PXDN: variants seen among roughly 807,000 people sequenced by gnomAD.
PXDN encodes the protein peroxidasin.
A neutral mutation model predicts 140.3 loss-of-function variants in PXDN; 77 were observed. The ratio of observed to expected loss-of-function variants is 0.55; its 90% CI spans 0.46 to 0.66. PXDN has a LOEUF of 0.66. Ranked by LOEUF, PXDN falls within the 30% of genes least tolerant of loss-of-function variation. The probability of loss-of-function intolerance (pLI) is 0.00; values close to 1 mark genes in which losing one functional copy is unlikely to be tolerated. For synonymous variants in PXDN, 911 were observed against 857.4 expected (o/e 1.06, Z -1.09); for missense variants, 1,838 against 2,039.5 (o/e 0.90, Z 1.90).
At chr2:1,664,788 C>CG (rs1683392249) in intron 11 of PXDN, 170 bp downstream of exon 11, 7 of 599,882 alleles carry the variant, frequency 1.2e-5, no homozygotes, top group Middle Eastern at 4.5e-4. Flanking sequence ...CAGGAAGCCG[C>CG]GGGGGATGTG....
intron 1 of PXDN, among the ~76,000 whole-genome samples, chr2:1,712,078 TA>T (rs34251687): frequency 5.3e-5 from 8 of 151,636 alleles, no homozygotes; most frequent in African/African-American, 9.7e-5. Context: ...TCAACGAGGG[TA>T]AAAAAAAGCC....
intron 17 of PXDN, 58 bp from the exon 18 acceptor site, chr2:1,644,810 A>G (rs1682814632): frequency 3.0e-6 from 4 of 1,339,224 alleles, no homozygotes; most frequent in Non-Finnish European, 3.9e-6. Context: ...GGTAAAAAAT[A>G]CAGCAAATAT....
At chr2:1,739,320 A>G (rs1282416353) in intron 1 of PXDN, among the ~76,000 whole-genome samples, 2 of 152,180 alleles carry the variant, frequency 1.3e-5, no homozygotes, top group Non-Finnish European at 2.9e-5. Flanking sequence ...CAGAGAAGCA[A>G]GCCAAGTCAC....
intron 16 of PXDN, among the ~76,000 whole-genome samples, chr2:1,652,327 TC>T (rs1683032793): frequency 6.6e-6 from 1 of 152,128 alleles, no homozygotes; most frequent in Non-Finnish European, 1.5e-5. Flanking sequence ...CTCTTCATTC[TC>T]TGGAGAAGAG....
In PXDN at chr2:1,637,374, C is replaced by T. The variant is rs570747561; in HGVS notation, c.4206+1472G>A. Among the ~76,000 whole-genome samples the T allele has an allele frequency of 7.3e-3, 1,105 of 151,726 alleles. 16 individuals carry two copies. Among genetic ancestry groups the T allele is most frequent in the African/African-American group, 0.022 (919 of 41,290 alleles). ...GGATGTGCACCTGGTCTCTAGGCTG[C>T]GGAGGGAGGAAGACCTGCCACACGC... On this transcript the variant is annotated intron_variant, in intron 21 of 22. Transcript: ENST00000252804.
intron 1 of PXDN, among the ~76,000 whole-genome samples, chr2:1,700,467 A>C (rs1684399158): frequency 6.6e-6 from 1 of 152,202 alleles, no homozygotes. Flanking sequence ...CTTGAAGCTA[A>C]TGGCAGAAAT....
chr2:1,687,259 T>C lies in PXDN; in HGVS notation c.416+373A>G, dbSNP rs7601211. On this transcript the variant is annotated intron_variant, in intron 4 of 22. Coordinates refer to ENST00000252804, the MANE Select transcript of PXDN (RefSeq NM_012293.3). The surrounding 1 kb of genome is among the most constrained non-coding windows in gnomAD (Gnocchi z 4.0). ...AGAGCCCTCTCCTCCCCGGGCACCCTGGATATTTCCCCTGTGAAGGATGCC... is the reference window on the plus strand; with the variant it reads ...AGAGCCCTCTCCTCCCCGGGCACCCCGGATATTTCCCCTGTGAAGGATGCC... Among the ~76,000 whole-genome samples the C allele has an allele frequency of 0.31, 47,100 of 152,150 alleles. 7,903 individuals are homozygous for C. Among genetic ancestry groups the C allele is most frequent in the African/African-American group, 0.43 (18,021 of 41,500 alleles).
rs370957351 is a variant in PXDN at position 1,662,087 on chromosome 2, G to A, written c.1665C>T (p.Ala555=). The change falls in exon 13 of 23, where the codon GCC becomes GCT. Residue 555 remains alanine, a synonymous_variant. Transcript: ENST00000252804. ...GACCGCCTACCTTGTTCCAGGTGATGGCTGGCTCGGGCTCGCCCTGGGAGC... is the reference window on the plus strand; with the variant it reads ...GACCGCCTACCTTGTTCCAGGTGATAGCTGGCTCGGGCTCGCCCTGGGAGC... ...PCSSQGEPEP[A]ITWNKDGVQV... is the part of the protein sequence containing the mutation. 76 of 1,593,246 alleles carry A rather than the reference G, an allele frequency of 4.8e-5. No homozygotes were observed. Among genetic ancestry groups the A allele is most frequent in the Non-Finnish European group, 6.4e-5 (75 of 1,170,444 alleles).
At chr2:1,689,174 T>C (rs971110701) in intron 3 of PXDN, among the ~76,000 whole-genome samples, 1 of 152,196 alleles carries the variant, frequency 6.6e-6, no homozygotes, top group Non-Finnish European at 1.5e-5. Flanking sequence ...TTCTCTAAAA[T>C]GGACAGAAGT....
intron 14 of PXDN, 41 bp from the exon 15 acceptor site, chr2:1,654,549 G>C (rs1224241285): frequency 1.5e-6 from 2 of 1,319,018 alleles, no homozygotes; most frequent in Non-Finnish European, 1.1e-6. Context: ...GAAAAATACT[G>C]CACAATTACT....
At chr2:1,691,551 A>T (rs892568614) in intron 3 of PXDN, among the ~76,000 whole-genome samples, 1 of 152,178 alleles carries the variant, frequency 6.6e-6, no homozygotes, top group Non-Finnish European at 1.5e-5. Flanking sequence ...AGGCGACCGG[A>T]AACTATTTTG....
intron 1 of PXDN, 42 bp from the exon 2 acceptor site, chr2:1,693,176 C>T (rs1684222524): frequency 7.0e-7 from 1 of 1,437,610 alleles, no homozygotes; most frequent in Admixed American, 2.2e-5. Flanking sequence ...GAAAAAAAAT[C>T]TACAAACATC....
At chr2:1,663,242 G>A (rs1185337162) in intron 12 of PXDN, among the ~76,000 whole-genome samples, 1 of 152,150 alleles carries the variant, frequency 6.6e-6, no homozygotes, top group Non-Finnish European at 1.5e-5. Context: ...GACTTGATTA[G>A]ACTGTGTTAC....
chr2:1,661,165 A>G, intron 13 of PXDN, 128 bp from the exon 14 acceptor site: 1 of 1,088,550 alleles, frequency 9.2e-7, no homozygotes, highest in Non-Finnish European at 1.3e-6. Flanking sequence ...GGCTGCGCTC[A>G]GATCCATCCA....
intron 14 of PXDN, among the ~76,000 whole-genome samples, chr2:1,655,598 A>T (rs1287431749): frequency 4.0e-5 from 6 of 150,670 alleles, no homozygotes; most frequent in African/African-American, 1.5e-4. Context: ...CCCTCCTGAC[A>T]GGGACCTGCC....
intron 1 of PXDN, among the ~76,000 whole-genome samples, chr2:1,705,098 C>T (rs145314273): frequency 0.012 from 1,641 of 133,708 alleles, 20 homozygotes; most frequent in African/African-American, 0.044. Flanking sequence ...CGGCACTGCC[C>T]ATCACGTGAG....
chr2:1,744,402 C>G lies in PXDN; in HGVS notation c.54G>C (p.Leu18=), dbSNP rs1170629005. 2 of 1,518,982 alleles carry G rather than the reference C, an allele frequency of 1.3e-6. No homozygotes were observed. The highest frequency in any genetic ancestry group is 1.8e-6 in the Non-Finnish European group (2 of 1,140,360). 94.1% of individuals were successfully genotyped at this position (1,518,982 alleles called of 1,614,324 possible). The change falls in exon 1 of 23, where the codon CTG becomes CTC. Residue 18 remains leucine (L), a synonymous_variant. Coordinates refer to ENST00000252804, the MANE Select transcript of PXDN (RefSeq NM_012293.3). The part of the protein sequence containing the change: ...PGRRCLLALV[L]FCAWGTLAVV... The stretch of plus-strand genomic sequence containing the variant: ...CGGCCAGCGTCCCCCAGGCGCAGAA[C>G]AGCACGAGCGCCAACAGGCAGCGGC...
chr2:1,641,988 A>C (rs1011268985), intron 19 of PXDN, among the ~76,000 whole-genome samples: 3 of 152,242 alleles, frequency 2.0e-5, no homozygotes, highest in Admixed American at 2.0e-4. Flanking sequence ...TGAGGATATA[A>C]AACAAAAACA....
At chr2:1,731,642 G>C (rs1685316859) in intron 1 of PXDN, among the ~76,000 whole-genome samples, 1 of 152,188 alleles carries the variant, frequency 6.6e-6, no homozygotes, top group Non-Finnish European at 1.5e-5. Context: ...TGCCAGAAGT[G>C]GGCAGCCACA....
Sources: allele counts gnomAD v4.1 joint callset (sites outside exome capture counted in the v4.1 genomes callset), GRCh38; gene constraint gnomAD v4.1.1; non-coding constraint Gnocchi (gnomAD v3.1); transcripts MANE v1.5; gene names NCBI Gene and HGNC (gene_info 2026-07-23, HGNC 2026-07-21).